The following DNAI7 variants were observed in gnomAD, a reference collection of about 807,000 sequenced individuals.
DNAI7 encodes cancer susceptibility 1.
In DNAI7, 78 loss-of-function variants were observed where a neutral mutation model predicts 86.6. That is an observed-to-expected ratio of 0.90 (90% CI 0.75 to 1.09). DNAI7 has a LOEUF of 1.09. Ranked by LOEUF, DNAI7 falls within the 50% of genes least tolerant of loss-of-function variation. DNAI7 has a pLI of 0.00. For synonymous variants in DNAI7, 274 were observed against 273.0 expected, an observed-to-expected ratio of 1.00 and a Z score of -0.04; for missense variants, 753 against 810.2, an observed-to-expected ratio of 0.93 and a Z score of 0.86.
chr12:25,145,808 C>G (rs1944754802), intron 8 of DNAI7, among the ~76,000 whole-genome samples: 1 of 152,178 alleles, frequency 6.6e-6, no homozygotes, highest in South Asian at 2.1e-4. Context: ...GTTTAAAGAT[C>G]AAGCAGCAAC....
intron 9 of DNAI7, among the ~76,000 whole-genome samples, chr12:25,130,333 C>T (rs1057412689): frequency 4.0e-5 from 6 of 151,196 alleles, no homozygotes; most frequent in African/African-American, 1.5e-4. Flanking sequence ...GTCAGGAGAT[C>T]GAGACCATCC....
rs192118856 is a variant in DNAI7, at chr12:25,125,248, T to G, written c.1003-1962A>C. 1.5e-4 allele frequency among the ~76,000 whole-genome samples: 23 copies of G among 152,336 alleles called. No homozygotes were observed. The East Asian group carries it at 3.5e-3, about 23-fold the overall frequency. ...TACACTCCCACCAACAGTGTATAAG[T>G]GTTCCCTATTCCCCGCAACCTCACC... On this transcript the variant is annotated intron_variant, in intron 9 of 15. Coordinates refer to ENST00000395987, the MANE Select transcript of DNAI7 (RefSeq NM_018272.5).
intron 13 of DNAI7, among the ~76,000 whole-genome samples, chr12:25,112,493 G>T (rs1452136737): frequency 7.4e-6 from 1 of 134,338 alleles, no homozygotes; most frequent in African/African-American, 2.9e-5. Context: ...TGCAAGCTCT[G>T]CCTCCCAGGT....
intron 12 of DNAI7, among the ~76,000 whole-genome samples, chr12:25,118,367 T>C (rs1940601786): frequency 6.6e-6 from 1 of 150,786 alleles, no homozygotes; most frequent in African/African-American, 2.4e-5. Context: ...GGGATCAAGC[T>C]ATTCTCCTGC....
chr12:25,119,163 C>G lies in DNAI7; in HGVS notation c.1378G>C (p.Val460Leu). 6.2e-7 allele frequency: 1 copy of G among 1,604,930 alleles called. No individual in the cohort carries two copies. The highest frequency in any genetic ancestry group is 8.5e-7 in the Non-Finnish European group (1 of 1,177,584). ...NVIFFEDPVV[V>L]RWDAEGKHWR... ...GCTGTACCTTCAGCATCCCACCTTACAACCACAGGATCCTCAAAAAAGATT... is the reference window on the plus strand; with the variant it reads ...GCTGTACCTTCAGCATCCCACCTTAGAACCACAGGATCCTCAAAAAAGATT... The change falls in exon 12 of 16, where the codon GTA becomes CTA. Residue 460 changes from valine (V) to leucine (L), a missense_variant. Val to Leu is a conservative substitution (Grantham distance 32). Transcript: ENST00000395987.
At chr12:25,165,722 G>A (rs746749173) in intron 2 of DNAI7, among the ~76,000 whole-genome samples, 9 of 152,016 alleles carry the variant, frequency 5.9e-5, no homozygotes, top group Non-Finnish European at 1.0e-4. Flanking sequence ...TAATCAATAC[G>A]GAGCCTACCC....
chr12:25,120,342 G>GAGAGAGAGA (rs71065905), intron 11 of DNAI7, among the ~76,000 whole-genome samples: 60 of 138,034 alleles, frequency 4.3e-4, no homozygotes, highest in South Asian at 7.2e-4. Flanking sequence ...GAGAGAGAGA[G>GAGAGAGAGA]GAAGGAAGGG....
intron 1 of DNAI7, among the ~76,000 whole-genome samples, chr12:25,192,425 T>A: frequency 6.6e-6 from 1 of 152,236 alleles, no homozygotes; most frequent in East Asian, 1.9e-4. Flanking sequence ...AAGAATCATA[T>A]GGGAAGCTTG....
intron 2 of DNAI7, among the ~76,000 whole-genome samples, chr12:25,189,703 C>T (rs1592735016): frequency 6.6e-6 from 1 of 151,914 alleles, no homozygotes; most frequent in African/African-American, 2.4e-5. Flanking sequence ...TAAAAGGGAA[C>T]AATGGGAAAA....
At position 25,122,805 on chromosome 12, in the gene DNAI7, GCC is replaced by G. The variant is rs1290844842; in HGVS notation, c.1078+404_1078+405del. On this transcript the variant is annotated intron_variant, in intron 10 of 15. Transcript: ENST00000395987. Reference sequence around the variant, plus strand: ...AGTAATACAAAATTAGAAACAACCTGCCTATCAATAGGGATTTAAAAAGTGTT... The same window carrying G: ...AGTAATACAAAATTAGAAACAACCTGTATCAATAGGGATTTAAAAAGTGTT... Among the ~76,000 whole-genome samples the G allele has an allele frequency of 3.9e-5, 6 of 152,162 alleles. No individual in the cohort carries two copies. The East Asian group carries it at 1.2e-3, about 29-fold the overall frequency.
chr12:25,117,938 CTTTTT>C lies in DNAI7; in HGVS notation c.1396+1202_1396+1206del, dbSNP rs776942936. ...TAAACTATTTTGATATTTTCTTTTT[CTTTTT>C]TTTTTTTTTTTTGAGACGGAGGGAG... On this transcript the variant is annotated intron_variant, in intron 12 of 15. Transcript: ENST00000395987. Among the ~76,000 whole-genome samples, 35 of 135,026 alleles carry C rather than the reference CTTTTT, an allele frequency of 2.6e-4. 1 individual carries two copies. In the South Asian group the frequency reaches 3.0e-3, roughly 11 times the overall value. The allele number at this position is 135,026 out of a possible 152,430, so 88.6% of individuals were successfully genotyped here. A position where few individuals can be genotyped will look rare whatever the true frequency, so the allele number is the denominator to read the frequency against.
At chr12:25,160,367 A>C (rs373205791) in intron 3 of DNAI7, among the ~76,000 whole-genome samples, 1 of 152,166 alleles carries the variant, frequency 6.6e-6, no homozygotes, top group East Asian at 1.9e-4. Context: ...TTCTACTTTT[A>C]AACTTAACTT....
At chr12:25,126,110 G>A (rs1309526395) in intron 9 of DNAI7, among the ~76,000 whole-genome samples, 1 of 152,104 alleles carries the variant, frequency 6.6e-6, no homozygotes, top group African/African-American at 2.4e-5. Context: ...CCCCAAAAAG[G>A]GTGGGAGAGA....
At position 25,108,730 on chromosome 12, in the gene DNAI7, C is replaced by A. The variant is rs753827017; in HGVS notation, c.1987G>T (p.Glu663Ter). 5 of 1,602,588 alleles carry A rather than the reference C, an allele frequency of 3.1e-6. No homozygotes were observed. Among genetic ancestry groups the A allele is most frequent in the Non-Finnish European group, 4.3e-6 (5 of 1,174,010 alleles). The change falls in exon 16 of 16, where the codon GAA becomes TAA. Residue 663 changes from glutamate (E) to a stop codon, truncating the protein, a stop_gained. Transcript: ENST00000395987. LOFTEE classifies it low-confidence loss of function (END_TRUNC). Reference sequence around the variant, plus strand: ...GCTTCAGAAAATGCCTCACTCTCTTCCTTGATCTTCAGTCTTTGTGCTCTG... The same window carrying A: ...GCTTCAGAAAATGCCTCACTCTCTTACTTGATCTTCAGTCTTTGTGCTCTG... ...GDRAQRLKIKEESEAFSEALK... is the reference protein window; with the variant it reads ...GDRAQRLKIK
At chr12:25,122,801 ACCTG>A (rs770275701) in intron 10 of DNAI7, among the ~76,000 whole-genome samples, 48 of 152,324 alleles carry the variant, frequency 3.2e-4, no homozygotes, top group Middle Eastern at 6.8e-3. Flanking sequence ...ATTAGAAACA[ACCTG>A]CCTATCAATA....
chr12:25,166,854 TC>T (rs936699141), intron 2 of DNAI7, among the ~76,000 whole-genome samples: 25 of 152,148 alleles, frequency 1.6e-4, no homozygotes, highest in Non-Finnish European at 3.5e-4. Context: ...CAATTCACTC[TC>T]TACAGTTCTC....
intron 9 of DNAI7, among the ~76,000 whole-genome samples, chr12:25,132,766 T>C (rs945391946): frequency 1.3e-5 from 2 of 150,440 alleles, no homozygotes; most frequent in Non-Finnish European, 2.9e-5. Flanking sequence ...TGATTACTTA[T>C]TTGGTTCAGT....
At chr12:25,129,558 T>A (rs1942595023) in intron 9 of DNAI7, among the ~76,000 whole-genome samples, 1 of 152,152 alleles carries the variant, frequency 6.6e-6, no homozygotes, top group African/African-American at 2.4e-5. Context: ...CATGGATTTT[T>A]AATTTATCCA....
intron 7 of DNAI7, 70 bp downstream of exon 7, chr12:25,149,558 C>G: frequency 1.8e-6 from 2 of 1,121,608 alleles, no homozygotes; most frequent in Non-Finnish European, 2.6e-6. Context: ...TTAAAAAATA[C>G]TGGATTATTT....
Sources: gnomAD v4.1 joint callset for allele counts (sites outside exome capture counted in the v4.1 genomes callset) on GRCh38, gnomAD v4.1.1 for gene constraint, MANE v1.5 for transcripts, NCBI Gene and HGNC (gene_info 2026-07-23, HGNC 2026-07-21) for gene names.